Variants in CUX1 observed in about 807,000 individuals in gnomAD.
CUX1 encodes the protein cut like homeobox 1.
Under a neutral mutation model 158.8 loss-of-function variants are expected in CUX1, and 31 were observed. The observed-to-expected ratio is 0.20, with a 90% CI of 0.15 to 0.26. The LOEUF is 0.26. CUX1 is among the 10% of genes least tolerant of loss of function. The probability of loss-of-function intolerance (pLI) is 1.00; values close to 1 mark genes in which losing one functional copy is unlikely to be tolerated. For missense variants in CUX1, 1,589 were observed against 2,014.6 expected, an observed-to-expected ratio of 0.79 and a Z score of 4.04; for synonymous variants, 879 against 862.1, an observed-to-expected ratio of 1.02 and a Z score of -0.34.
intron 20 of CUX1, among the ~76,000 whole-genome samples, chr7:102,211,551 C>A (rs1269065889): frequency 1.3e-5 from 2 of 151,256 alleles, no homozygotes; most frequent in African/African-American, 4.9e-5. Context: ...GAGGCCGAGG[C>A]AGGTGCATCA....
intron 9 of CUX1, among the ~76,000 whole-genome samples, chr7:102,162,293 TGAGACAGTC>T (rs1790524531): frequency 6.6e-6 from 1 of 152,078 alleles, no homozygotes; most frequent in Admixed American, 6.5e-5. Context: ...TTTTTGCTTC[TGAGACAGTC>T]TTGCTCTGTT....
rs1485042353 is a variant in CUX1, at chr7:102,035,948, T to A, written c.189+7803T>A. Among the ~76,000 whole-genome samples, 2 of 152,210 alleles carry A rather than the reference T, an allele frequency of 1.3e-5. 1 individual carries two copies. On this transcript the variant is annotated intron_variant, in intron 3 of 23. Transcript: ENST00000292535. ...ATACAGTGGCACCATTTCAGCTCAC[T>A]GCAACCTCCACCTCCCGGATTCAAG...
chr7:101,927,482 A>AC (rs1805725816), intron 2 of CUX1, among the ~76,000 whole-genome samples: 1 of 151,886 alleles, frequency 6.6e-6, no homozygotes, highest in Non-Finnish European at 1.5e-5. Context: ...ACATAGCGAG[A>AC]CCCCATCTCT....
intron 15 of CUX1, 90 bp from the exon 16 acceptor site, chr7:102,198,712 G>T: frequency 8.7e-7 from 1 of 1,153,008 alleles, no homozygotes; most frequent in East Asian, 2.4e-5. Flanking sequence ...TTTAGTGACA[G>T]GCGGCTCAGA....
chr7:102,239,515 C>T lies in CUX1; in HGVS notation c.3818C>T (p.Thr1273Ile). 1 of 1,614,184 alleles carries T rather than the reference C, an allele frequency of 6.2e-7. No homozygotes were observed. The highest frequency in any genetic ancestry group is 8.5e-7 in the Non-Finnish European group (1 of 1,180,006). Residue 1273 changes from threonine to isoleucine, a missense_variant, in exon 23 of 24, where the codon ACC becomes ATC. Thr to Ile is a moderately conservative substitution (Grantham distance 89, BLOSUM62 -1). Coordinates refer to ENST00000292535, the MANE Select transcript of CUX1 (RefSeq NM_181552.4). ...YQQKPYPSPK[T>I]IEDLATQLNL... ...CAAAAGCCATACCCGTCACCAAAAA[C>T]CATCGAAGACCTCGCCACCCAGCTC...
chr7:102,219,566 C>G (rs1263483790), intron 20 of CUX1, among the ~76,000 whole-genome samples: 1 of 152,204 alleles, frequency 6.6e-6, no homozygotes, highest in Admixed American at 6.5e-5. Context: ...TCGCGTCGGC[C>G]CCCCGCTGGC....
chr7:102,105,643 G>A (rs1454843798), intron 6 of CUX1, among the ~76,000 whole-genome samples: 1 of 151,152 alleles, frequency 6.6e-6, no homozygotes, highest in Non-Finnish European at 1.5e-5. Flanking sequence ...CTCCCAAGAA[G>A]CTGGGATTAC....
Position 102,178,718 on chromosome 7 carries a change from G to C in CUX1, c.1017+61G>C, listed in dbSNP as rs1792680776. On this transcript the variant is annotated intron_variant, in intron 11 of 23. Coordinates refer to ENST00000292535, the MANE Select transcript of CUX1 (RefSeq NM_181552.4). ...AGGCAGGGCGGATGGCTGGACACAC[G>C]CGCACACACACACCCTCTGCCTTTC... The C allele has an allele frequency of 3.3e-6, 5 of 1,495,878 alleles. No individual in the cohort carries two copies. The Admixed American group carries it at 9.9e-5, about 30-fold the overall frequency. 92.7% of individuals were successfully genotyped at this position (1,495,878 alleles called of 1,614,324 possible).
intron 3 of CUX1, among the ~76,000 whole-genome samples, chr7:102,040,278 G>A (rs1821914225): frequency 1.3e-5 from 2 of 152,166 alleles, no homozygotes; most frequent in Non-Finnish European, 2.9e-5. Flanking sequence ...CTCCAGGGAG[G>A]ATGACGGAAC....
At position 102,248,581 on chromosome 7, in the gene CUX1, G is replaced by A. The variant is rs1801080872; in HGVS notation, c.4057G>A (p.Glu1353Lys). The change falls in exon 24 of 24, where the codon GAG becomes AAG. Residue 1353 changes from glutamate to lysine, a missense_variant. Glu to Lys is a moderately conservative substitution (Grantham distance 56). Coordinates refer to ENST00000292535, the MANE Select transcript of CUX1 (RefSeq NM_181552.4). This position sits in a 1 kb window ranked among gnomAD's most constrained non-coding sequence, Gnocchi z 5.8. ...ATEGPGSADT[E>K]EPKSQGEAER... is the part of the protein sequence containing the mutation. The stretch of plus-strand genomic sequence containing the variant: ...TGAGGGCCCAGGCAGCGCCGACACC[G>A]AGGAGCCCAAGTCTCAGGGAGAGGC... 2 of 1,484,332 alleles carry A rather than the reference G, an allele frequency of 1.3e-6. No homozygotes were observed. Among genetic ancestry groups the A allele is most frequent in the Non-Finnish European group, 1.8e-6 (2 of 1,121,992 alleles). 91.9% of individuals were successfully genotyped at this position (1,484,332 alleles called of 1,614,324 possible). A position where few individuals can be genotyped will look rare whatever the true frequency, so the allele number is the denominator to read the frequency against.
intron 1 of CUX1, among the ~76,000 whole-genome samples, chr7:101,821,000 A>G (rs1366949294): frequency 6.6e-6 from 1 of 152,212 alleles, no homozygotes; most frequent in East Asian, 1.9e-4. Context: ...TGGGCGCTTT[A>G]GGAACTGGAT....
chr7:101,953,716 GC>G (rs1809397518), intron 2 of CUX1, among the ~76,000 whole-genome samples: 1 of 152,154 alleles, frequency 6.6e-6, no homozygotes, highest in African/African-American at 2.4e-5. Context: ...TCAGGCCCGT[GC>G]CAGGACACAG....
At chr7:101,925,958 C>G (rs1389383836) in intron 2 of CUX1, among the ~76,000 whole-genome samples, 1 of 152,010 alleles carries the variant, frequency 6.6e-6, no homozygotes, top group Non-Finnish European at 1.5e-5. Flanking sequence ...AACAAACAAA[C>G]AAACAAAAAA....
chr7:102,157,132 A>G (rs1406624245), intron 8 of CUX1, among the ~76,000 whole-genome samples: 7 of 152,214 alleles, frequency 4.6e-5, no homozygotes, highest in African/African-American at 2.4e-5. Context: ...GGGTCCTGAG[A>G]AAGAGTGGCG....
In CUX1 at chr7:102,232,223, G is replaced by A. The variant is rs144340866; in HGVS notation, c.3434-1829G>A. Among the ~76,000 whole-genome samples the A allele has an allele frequency of 1.7e-4, 26 of 152,130 alleles. 1 individual carries two copies. The East Asian group carries it at 4.2e-3, about 25-fold the overall frequency. Reference sequence around the variant, plus strand: ...AAGCCAGGCGTGGTGGTGCACACCTGTAATCCCAGCTACTCGGGATGCTGA... The same window carrying A: ...AAGCCAGGCGTGGTGGTGCACACCTATAATCCCAGCTACTCGGGATGCTGA... On this transcript the variant is annotated intron_variant, in intron 21 of 23. Transcript: ENST00000292535.
intron 2 of CUX1, among the ~76,000 whole-genome samples, chr7:101,933,866 T>G (rs576064961): frequency 1.3e-5 from 2 of 152,308 alleles, no homozygotes; most frequent in Admixed American, 6.5e-5. Flanking sequence ...TAGAAAAACT[T>G]GTAGCGCTTT....
chr7:101,956,133 C>T (rs1405366305), intron 2 of CUX1, among the ~76,000 whole-genome samples: 2 of 93,994 alleles, frequency 2.1e-5, no homozygotes, highest in African/African-American at 3.9e-5. Context: ...AGTGAGCCCA[C>T]GTCTCAAAAA....
chr7:102,140,457 G>C (rs1347923106), intron 8 of CUX1, among the ~76,000 whole-genome samples: 1 of 151,972 alleles, frequency 6.6e-6, no homozygotes, highest in Non-Finnish European at 1.5e-5. Context: ...TGTTTGCCAG[G>C]CTATTCTCAA....
intron 3 of CUX1, among the ~76,000 whole-genome samples, chr7:102,058,244 C>G (rs1824383810): frequency 6.6e-6 from 1 of 152,078 alleles, no homozygotes; most frequent in South Asian, 2.1e-4. Context: ...ATGTGACTTG[C>G]TTCATTGCAA....
Sources: allele counts gnomAD v4.1 joint callset (sites outside exome capture counted in the v4.1 genomes callset), GRCh38; gene constraint gnomAD v4.1.1; non-coding constraint Gnocchi (gnomAD v3.1); transcripts MANE v1.5; gene names NCBI Gene and HGNC (gene_info 2026-07-23, HGNC 2026-07-21).